Variants in CEP104 observed in about 807,000 individuals in gnomAD.
CEP104 encodes the protein centrosomal protein of 104 kDa.
CEP104 carries 84 observed loss-of-function variants against 113.3 expected under a neutral mutation model. The ratio of observed to expected loss-of-function variants is 0.74; its 90% CI spans 0.62 to 0.89. The LOEUF is 0.89. Among genes scored for constraint, CEP104 ranks in the 40% least tolerant of loss-of-function variants. The pLI is 0.00. For synonymous variants in CEP104, 378 were observed against 421.7 expected, an observed-to-expected ratio of 0.90 and a Z score of 1.27; for missense variants, 1,053 against 1,156.6, an observed-to-expected ratio of 0.91 and a Z score of 1.30.
rs770522288 is a variant in CEP104, at chr1:3,823,474, G to A, written c.2453C>T (p.Ala818Val). ...GFGKCYRCSE[A>V]VFKEELPRHI... ...TCTGGGCAGCTCTTCCTTGAAAACAGCCTCACTGCAACGGTAACACTTTCC... is the reference window on the plus strand; with the variant it reads ...TCTGGGCAGCTCTTCCTTGAAAACAACCTCACTGCAACGGTAACACTTTCC... The change falls in exon 19 of 22, where the codon GCT (alanine) becomes GTT (valine). Residue 818 changes from alanine to valine, a missense_variant. Transcript: ENST00000378230. This position sits in a 1 kb window ranked among gnomAD's most constrained non-coding sequence, Gnocchi z 4.1. The A allele has an allele frequency of 3.1e-6, 5 of 1,614,198 alleles. No individual in the cohort carries two copies. The South Asian group carries it at 3.3e-5, about 11-fold the overall frequency.
intron 17 of CEP104, 82 bp from the exon 18 acceptor site, chr1:3,825,948 T>G: frequency 1.0e-6 from 1 of 955,718 alleles, no homozygotes; most frequent in East Asian, 2.4e-5. Context: ...ACGAGGAAAT[T>G]CTGAATTTCC....
chr1:3,836,451 C>A, intron 10 of CEP104, 44 bp downstream of exon 10: 1 of 1,553,292 alleles, frequency 6.4e-7, no homozygotes, highest in South Asian at 1.2e-5. Flanking sequence ...ATAGACTAGC[C>A]TCCCCTCTGC....
At chr1:3,816,433 A>G in intron 20 of CEP104, 63 bp from the exon 21 acceptor site, 1 of 1,322,618 alleles carries the variant, frequency 7.6e-7, no homozygotes, top group Admixed American at 2.3e-5. Context: ...GCTACCTGAG[A>G]CCCAAAAGGA....
chr1:3,847,460 C>T lies in CEP104; in HGVS notation c.426+15G>A, dbSNP rs752739283. 61 of 1,563,122 alleles carry T rather than the reference C, an allele frequency of 3.9e-5. No individual in the cohort carries two copies. In the South Asian group the frequency reaches 6.1e-4, roughly 16 times the overall value. On this transcript the variant is annotated intron_variant, in intron 4 of 21. Transcript: ENST00000378230. ...GGTAGGGGCAGAATCAAAGGCGAAGCTGCATGCATCTTACCTGATTATATA... is the reference window on the plus strand; with the variant it reads ...GGTAGGGGCAGAATCAAAGGCGAAGTTGCATGCATCTTACCTGATTATATA...
At position 3,815,519 on chromosome 1, in the gene CEP104, T is replaced by C. The variant is rs1211390092; in HGVS notation, c.2663-2A>G. The C allele has an allele frequency of 1.9e-6, 3 of 1,591,184 alleles. No individual in the cohort carries two copies. Among genetic ancestry groups the C allele is most frequent in the Non-Finnish European group, 8.6e-7 (1 of 1,168,282 alleles). ...ATGCGGCCACAGCTGAGCTTTTCCC[T>C]GCAGAGCAAGCACAGGACCTGCATT... On this transcript the variant is annotated splice_acceptor_variant, in intron 21 of 21. Coordinates refer to ENST00000378230, the MANE Select transcript of CEP104 (RefSeq NM_014704.4). LOFTEE classifies it high-confidence loss of function.
Position 3,830,986 on chromosome 1 carries a change from G to A in CEP104, c.1836+60C>T, listed in dbSNP as rs1346104783. 5.0e-5 allele frequency: 74 copies of A among 1,476,176 alleles called. 2 individuals are homozygous for A. The East Asian group carries it at 1.3e-3, about 25-fold the overall frequency. 91.4% of individuals were successfully genotyped at this position (1,476,176 alleles called of 1,614,324 possible). On this transcript the variant is annotated intron_variant, in intron 13 of 21. Coordinates refer to ENST00000378230, the MANE Select transcript of CEP104 (RefSeq NM_014704.4). Reference sequence around the variant, plus strand: ...CAAATGCCGATGAGACCCTCGCCACGCTCCAGGCACTGTGGTGAGTGCTGG... The same window carrying A: ...CAAATGCCGATGAGACCCTCGCCACACTCCAGGCACTGTGGTGAGTGCTGG...
chr1:3,825,725 G>A, intron 18 of CEP104, 33 bp downstream of exon 18: 1 of 1,381,664 alleles, frequency 7.2e-7, no homozygotes, highest in South Asian at 1.2e-5. Context: ...TCCCGCTCAT[G>A]CAAGTAGCTG....
At chr1:3,846,149 T>C (rs1426750503) in intron 4 of CEP104, among the ~76,000 whole-genome samples, 1 of 147,458 alleles carries the variant, frequency 6.8e-6, no homozygotes, top group Non-Finnish European at 1.5e-5. Flanking sequence ...AGTTTTAACA[T>C]AGCCTCAAAA....
Position 3,852,305 on chromosome 1 carries a change from G to T in CEP104, c.103C>A (p.Arg35=), listed in dbSNP as rs764366578. ...MIHAPTVSGW[R]SPRFCQFPQE... Reference sequence around the variant, plus strand: ...CCGTCCAGTCCTCACCTAGGTGACCGCCACCCACTGACAGTTGGCGCGTGG... The same window carrying T: ...CCGTCCAGTCCTCACCTAGGTGACCTCCACCCACTGACAGTTGGCGCGTGG... The change falls in exon 2 of 22, where the codon CGG becomes AGG. Residue 35 remains arginine (R), a synonymous_variant. Transcript: ENST00000378230. 1 of 1,613,306 alleles carries T rather than the reference G, an allele frequency of 6.2e-7. No individual in the cohort carries two copies. Among genetic ancestry groups the T allele is most frequent in the South Asian group, 1.1e-5 (1 of 91,048 alleles).
At chr1:3,815,750 G>A (rs1643870949) in intron 21 of CEP104, among the ~76,000 whole-genome samples, 2 of 151,562 alleles carry the variant, frequency 1.3e-5, no homozygotes, top group East Asian at 1.9e-4. Context: ...GGGCAGTGGC[G>A]CAATATTGGC....
In CEP104 at chr1:3,815,024, T is replaced by C. The variant is rs1316748257; in HGVS notation, c.*378A>G. The C allele has an allele frequency of 5.4e-6, 1 of 185,956 alleles. No homozygotes were observed. Among genetic ancestry groups the C allele is most frequent in the African/African-American group, 2.4e-5 (1 of 42,262 alleles). The allele number at this position is 185,956 out of a possible 1,614,324, so 11.5% of individuals were successfully genotyped here. A position where few individuals can be genotyped will look rare whatever the true frequency, so the allele number is the denominator to read the frequency against. On this transcript the variant is annotated 3_prime_UTR_variant, in exon 22 of 22. Coordinates refer to ENST00000378230, the MANE Select transcript of CEP104 (RefSeq NM_014704.4). The stretch of plus-strand genomic sequence containing the variant: ...GTTTCTGGTGAATGTTTTATGGAAA[T>C]TGCTCCAAGCACTAAGGAAAGCGGG...
Position 3,851,615 on chromosome 1 carries a change from T to C in CEP104, c.113+680A>G, listed in dbSNP as rs191548839. On this transcript the variant is annotated intron_variant, in intron 2 of 21. Coordinates refer to ENST00000378230, the MANE Select transcript of CEP104 (RefSeq NM_014704.4). ...ACCAAAGCAGCAGAGGCAAAAAGAC[T>C]TCAATGTTTTAGGAAAATAATCAAG... Among the ~76,000 whole-genome samples, 409 of 152,156 alleles carry C rather than the reference T, an allele frequency of 2.7e-3. 2 individuals carry two copies. The highest frequency in any genetic ancestry group is 9.4e-3 in the African/African-American group (390 of 41,520).
In CEP104 at chr1:3,852,382, A is replaced by G. The variant is rs754310893; in HGVS notation, c.26T>C (p.Val9Ala). MPHKIGFV[V>A]VSSSGHEDGF... Reference sequence around the variant, plus strand: ...GTCTTCGTGTCCAGATGAGCTGACGACTACAAATCCAATCTTGTGGGGCAT... The same window carrying G: ...GTCTTCGTGTCCAGATGAGCTGACGGCTACAAATCCAATCTTGTGGGGCAT... Residue 9 changes from valine to alanine, a missense_variant, in exon 2 of 22, where the codon GTC becomes GCC. Val to Ala is a moderately conservative substitution (Grantham distance 64). Coordinates refer to ENST00000378230, the MANE Select transcript of CEP104 (RefSeq NM_014704.4). 1 of 1,614,098 alleles carries G rather than the reference A, an allele frequency of 6.2e-7. No homozygotes were observed. The highest frequency in any genetic ancestry group is 1.3e-5 in the African/African-American group (1 of 75,050).
rs1644164664 is a variant in CEP104 at position 3,829,811 on chromosome 1, C to G, written c.2023G>C (p.Ala675Pro). Reference sequence around the variant, plus strand: ...CTCACCCTCATCTCAGCATCTGTAGCTCTGCCATCTATTTTAGCAAATCCC... The same window carrying G: ...CTCACCCTCATCTCAGCATCTGTAGGTCTGCCATCTATTTTAGCAAATCCC... ...FEGFAKIDGR[A>P]TDAEMRARRK... The change falls in exon 14 of 22, where the codon GCT (alanine) becomes CCT (proline). Residue 675 changes from alanine to proline, a missense_variant. Transcript: ENST00000378230. 6.2e-7 allele frequency: 1 copy of G among 1,614,206 alleles called. No homozygotes were observed. The highest frequency in any genetic ancestry group is 8.5e-7 in the Non-Finnish European group (1 of 1,180,020).
At chr1:3,828,564 C>T (rs931491282) in intron 15 of CEP104, among the ~76,000 whole-genome samples, 2 of 152,186 alleles carry the variant, frequency 1.3e-5, no homozygotes, top group African/African-American at 2.4e-5. Flanking sequence ...AATAGCTCTG[C>T]GTGCACTGTG....
At position 3,819,735 on chromosome 1, in the gene CEP104, G is replaced by A. The variant is rs943415306; in HGVS notation, c.2572-3365C>T. ...CACGAGCCTGCAGGCAGGAGAGAAG[G>A]GAGGGAACGCTGAAGAGAGAAAAAA... On this transcript the variant is annotated intron_variant, in intron 20 of 21. Transcript: ENST00000378230. The surrounding 1 kb of genome is among the most constrained non-coding windows in gnomAD (Gnocchi z 4.6). Among the ~76,000 whole-genome samples the A allele has an allele frequency of 1.1e-4, 17 of 152,364 alleles. No individual in the cohort carries two copies. Among genetic ancestry groups the A allele is most frequent in the African/African-American group, 3.8e-4 (16 of 41,590 alleles).
At position 3,815,271 on chromosome 1, in the gene CEP104, C is replaced by T. The variant is rs1048690860; in HGVS notation, c.*131G>A. 3.7e-5 allele frequency: 25 copies of T among 667,858 alleles called. No homozygotes were observed. The highest frequency in any genetic ancestry group is 2.5e-4 in the African/African-American group (14 of 55,552). 41.4% of individuals were successfully genotyped at this position (667,858 alleles called of 1,614,324 possible). A position where few individuals can be genotyped will look rare whatever the true frequency, so the allele number is the denominator to read the frequency against. ...GCTGACGGCACAGACGCGTAAGAGG[C>T]GTGCACGGCGGGGAGCTGGGGACAG... On this transcript the variant is annotated 3_prime_UTR_variant, in exon 22 of 22. Coordinates refer to ENST00000378230, the MANE Select transcript of CEP104 (RefSeq NM_014704.4).
chr1:3,852,171 C>T, intron 2 of CEP104, 124 bp downstream of exon 2: 1 of 861,326 alleles, frequency 1.2e-6, no homozygotes, highest in Non-Finnish European at 1.7e-6. Context: ...TGCATGCTGA[C>T]ATCCTTGGTC....
chr1:3,849,391 G>C (rs1466248848), intron 2 of CEP104, among the ~76,000 whole-genome samples: 1 of 151,942 alleles, frequency 6.6e-6, no homozygotes, highest in Non-Finnish European at 1.5e-5. Context: ...GCCTCCTGAG[G>C]AGTTGGGACC....
Sources: allele counts gnomAD v4.1 joint callset (sites outside exome capture counted in the v4.1 genomes callset), GRCh38; gene constraint gnomAD v4.1.1; non-coding constraint Gnocchi (gnomAD v3.1); transcripts MANE v1.5; gene names NCBI Gene and HGNC (gene_info 2026-07-23, HGNC 2026-07-21).